HS6ST3: variants seen among roughly 807,000 people sequenced by gnomAD.
The protein encoded by HS6ST3 is heparan sulfate 6-O-sulfotransferase 3.
HS6ST3 carries 12 observed loss-of-function variants against 36.7 expected under a neutral mutation model. The ratio of observed to expected loss-of-function variants is 0.33; its 90% CI spans 0.21 to 0.53. The LOEUF (loss-of-function observed/expected upper bound fraction) is 0.53, where lower values mean the gene tolerates loss of function less well. Among genes scored for constraint, HS6ST3 ranks in the 20% least tolerant of loss-of-function variants. The pLI, the probability that HS6ST3 is intolerant of heterozygous loss-of-function variation, is 0.95. For missense variants in HS6ST3, 584 were observed against 640.9 expected (o/e 0.91, Z 0.96); for synonymous variants, 240 against 257.5 (o/e 0.93, Z 0.65).
chr13:96,672,019 G>T (rs2056684342), intron 1 of HS6ST3, among the ~76,000 whole-genome samples: 1 of 152,104 alleles, frequency 6.6e-6, no homozygotes, highest in Non-Finnish European at 1.5e-5. Context: ...TGCAATATTT[G>T]CTCCCTAACA....
At chr13:96,496,099 C>T (rs964514767) in intron 1 of HS6ST3, among the ~76,000 whole-genome samples, 13 of 152,328 alleles carry the variant, frequency 8.5e-5, no homozygotes, top group African/African-American at 3.1e-4. Flanking sequence ...TTAAGGAGCA[C>T]TGGCCACAGT....
intron 1 of HS6ST3, among the ~76,000 whole-genome samples, chr13:96,294,467 A>G (rs923023689): frequency 6.6e-6 from 1 of 152,128 alleles, no homozygotes; most frequent in African/African-American, 2.4e-5. Flanking sequence ...CAGTCACACT[A>G]GCCACATTTT....
chr13:96,533,818 A>G (rs2138936562), intron 1 of HS6ST3, among the ~76,000 whole-genome samples: 1 of 152,314 alleles, frequency 6.6e-6, no homozygotes, highest in African/African-American at 2.4e-5. Flanking sequence ...TGGACAGATA[A>G]GTATGGGCTT....
At chr13:96,644,516 C>G (rs1054099360) in intron 1 of HS6ST3, among the ~76,000 whole-genome samples, 1 of 151,960 alleles carries the variant, frequency 6.6e-6, no homozygotes. Context: ...AGTTTGGAGT[C>G]CACCATTGCC....
chr13:96,765,588 TTCTCTCTCTCTC>T (rs58979172), intron 1 of HS6ST3, among the ~76,000 whole-genome samples: 1,544 of 142,658 alleles, frequency 0.011, 29 homozygotes, highest in African/African-American at 0.033. Flanking sequence ...CTCTCTCTCT[TTCTCTCTCTCTC>T]TCTCTCTCTC....
chr13:96,441,615 A>C (rs2055671827), intron 1 of HS6ST3, among the ~76,000 whole-genome samples: 1 of 152,214 alleles, frequency 6.6e-6, no homozygotes, highest in Admixed American at 6.5e-5. Context: ...GAAAGTGCAG[A>C]AAATAAAAAA....
intron 1 of HS6ST3, among the ~76,000 whole-genome samples, chr13:96,796,997 G>A (rs888758425): frequency 6.6e-6 from 1 of 152,016 alleles, no homozygotes; most frequent in African/African-American, 2.4e-5. Flanking sequence ...AAATCAATAG[G>A]CTGAGGACAT....
At chr13:96,353,518 G>A (rs73550664) in intron 1 of HS6ST3, among the ~76,000 whole-genome samples, 7,403 of 151,556 alleles carry the variant, frequency 0.049, 340 homozygotes, top group African/African-American at 0.12. Context: ...AAAATATAAA[G>A]CTTAACTGAA....
chr13:96,288,409 C>G (rs1215385199), intron 1 of HS6ST3, among the ~76,000 whole-genome samples: 2 of 151,876 alleles, frequency 1.3e-5, no homozygotes, highest in African/African-American at 4.8e-5. Flanking sequence ...CAAAATGTTA[C>G]CAGCTAGAAT....
At chr13:96,502,132 T>C (rs988248053) in intron 1 of HS6ST3, among the ~76,000 whole-genome samples, 2 of 152,168 alleles carry the variant, frequency 1.3e-5, no homozygotes, top group Non-Finnish European at 2.9e-5. Flanking sequence ...CTAACCTTAC[T>C]GTGTAGGTGG....
At chr13:96,761,571 C>T (rs1357579074) in intron 1 of HS6ST3, among the ~76,000 whole-genome samples, 1 of 151,870 alleles carries the variant, frequency 6.6e-6, no homozygotes, top group East Asian at 1.9e-4. Flanking sequence ...AAGTTGAAGC[C>T]TGGTGTGTGC....
At position 96,837,012 on chromosome 13, in the gene HS6ST3, CA is replaced by C. The variant is rs968700820; in HGVS notation, c.*3815del. 6.6e-6 allele frequency: 1 copy of C among 151,980 alleles called. No individual in the cohort carries two copies. Among genetic ancestry groups the C allele is most frequent in the Non-Finnish European group, 1.5e-5 (1 of 67,990 alleles). 9.4% of individuals were successfully genotyped at this position (151,980 alleles called of 1,614,324 possible). On this transcript the variant is annotated 3_prime_UTR_variant, in exon 2 of 2. Coordinates refer to ENST00000376705, the MANE Select transcript of HS6ST3 (RefSeq NM_153456.4). ...GGAAGTTGCACATATTGCTTCCAGT[CA>C]CATCTCATGGGTTAAAACCTAGACA...
intron 1 of HS6ST3, among the ~76,000 whole-genome samples, chr13:96,153,241 C>T (rs930586571): frequency 1.3e-5 from 2 of 152,120 alleles, no homozygotes; most frequent in African/African-American, 4.8e-5. Context: ...ATCTGTGAGC[C>T]CTCATTACAG....
chr13:96,226,358 T>C (rs2054480493), intron 1 of HS6ST3, among the ~76,000 whole-genome samples: 1 of 152,052 alleles, frequency 6.6e-6, no homozygotes, highest in African/African-American at 2.4e-5. Flanking sequence ...CCGTCTCTAC[T>C]AAAAATACAA....
chr13:96,650,838 A>G (rs1247707189), intron 1 of HS6ST3, among the ~76,000 whole-genome samples: 1 of 152,062 alleles, frequency 6.6e-6, no homozygotes, highest in Non-Finnish European at 1.5e-5. Flanking sequence ...TAATACAAGT[A>G]GATAGTTCAT....
chr13:96,270,492 TAATTA>T (rs1331037531), intron 1 of HS6ST3, among the ~76,000 whole-genome samples: 3 of 151,992 alleles, frequency 2.0e-5, no homozygotes, highest in Non-Finnish European at 4.4e-5. Flanking sequence ...TATTTTAATT[TAATTA>T]AATTTAAAAA....
chr13:96,092,614 TG>T (rs2053770257), intron 1 of HS6ST3, among the ~76,000 whole-genome samples: 1 of 152,350 alleles, frequency 6.6e-6, no homozygotes, highest in African/African-American at 2.4e-5. Context: ...TCAAACAATT[TG>T]GTATGAGGAA....
At chr13:96,811,492 T>C (rs915879177) in intron 1 of HS6ST3, among the ~76,000 whole-genome samples, 9 of 152,224 alleles carry the variant, frequency 5.9e-5, no homozygotes, top group Non-Finnish European at 1.2e-4. Context: ...AAAGAAGAAC[T>C]TAATATTATT....
chr13:96,273,228 G>A (rs2054730023), intron 1 of HS6ST3, among the ~76,000 whole-genome samples: 1 of 151,918 alleles, frequency 6.6e-6, no homozygotes, highest in South Asian at 2.1e-4. Context: ...TGATGAGGTA[G>A]GGCTATGGCT....
Sources: allele counts gnomAD v4.1 joint callset (sites outside exome capture counted in the v4.1 genomes callset), GRCh38; gene constraint gnomAD v4.1.1; transcripts MANE v1.5; gene names NCBI Gene and HGNC (gene_info 2026-07-23, HGNC 2026-07-21).